The following RALYL variants were observed in gnomAD, a reference collection of about 807,000 sequenced individuals.
RALYL encodes the protein RNA-binding Raly-like protein.
In RALYL, 29 loss-of-function variants were observed where a neutral mutation model predicts 35.1. The ratio of observed to expected loss-of-function variants is 0.83; its 90% CI spans 0.61 to 1.13. RALYL has a LOEUF of 1.13. Among genes scored for constraint, RALYL ranks in the 50% most tolerant of loss-of-function variants. The pLI is 0.00. For synonymous variants in RALYL, 120 were observed against 127.6 expected (o/e 0.94, Z 0.40); for missense variants, 359 against 360.4 (o/e 1.00, Z 0.03).
intron 2 of RALYL, among the ~76,000 whole-genome samples, chr8:84,682,241 C>T (rs151227357): frequency 2.0e-5 from 3 of 152,204 alleles, no homozygotes; most frequent in Non-Finnish European, 4.4e-5. Flanking sequence ...ATTTGGTTTG[C>T]CATTATTGTA....
At chr8:84,747,998 T>C (rs1431758336) in intron 2 of RALYL, among the ~76,000 whole-genome samples, 3 of 151,954 alleles carry the variant, frequency 2.0e-5, no homozygotes, top group African/African-American at 7.2e-5. Flanking sequence ...TGGGAATTAG[T>C]TTTGTAAGTT....
chr8:84,317,607 G>T (rs1232522335), intron 1 of RALYL, among the ~76,000 whole-genome samples: 1 of 152,198 alleles, frequency 6.6e-6, no homozygotes, highest in South Asian at 2.1e-4. Context: ...GAATGTGTTT[G>T]CCATGATTAG....
intron 5 of RALYL, among the ~76,000 whole-genome samples, chr8:84,853,701 T>C (rs929823358): frequency 6.6e-6 from 1 of 152,166 alleles, no homozygotes; most frequent in Middle Eastern, 3.2e-3. Context: ...GTGGATATAC[T>C]CAAGAGTTCC....
intron 2 of RALYL, among the ~76,000 whole-genome samples, chr8:84,563,279 A>G (rs1175106267): frequency 6.6e-6 from 1 of 151,900 alleles, no homozygotes; most frequent in Non-Finnish European, 1.5e-5. Flanking sequence ...CTCATGAAAC[A>G]TAAGCTCATG....
intron 1 of RALYL, among the ~76,000 whole-genome samples, chr8:84,522,958 AG>A (rs2058579102): frequency 6.6e-6 from 1 of 152,028 alleles, no homozygotes; most frequent in South Asian, 2.1e-4. Context: ...CCACATAAAC[AG>A]GGGGCCTCAC....
chr8:84,318,789 A>C (rs1844258370), intron 1 of RALYL, among the ~76,000 whole-genome samples: 2 of 152,202 alleles, frequency 1.3e-5, no homozygotes, highest in African/African-American at 4.8e-5. Flanking sequence ...TAATGTTTAC[A>C]ATATAGGAAA....
chr8:84,255,101 T>C (rs1830971739), intron 1 of RALYL, among the ~76,000 whole-genome samples: 1 of 152,144 alleles, frequency 6.6e-6, no homozygotes, highest in South Asian at 2.1e-4. Context: ...GTCAGTTTCG[T>C]ATCACAAAAT....
intron 2 of RALYL, among the ~76,000 whole-genome samples, chr8:84,565,083 TC>T (rs1210492723): frequency 1.3e-5 from 2 of 151,602 alleles, no homozygotes; most frequent in South Asian, 2.1e-4. Context: ...ATTAGCAGCT[TC>T]CCTGAGATTT....
At chr8:84,531,943 T>A (rs1412557143) in intron 2 of RALYL, among the ~76,000 whole-genome samples, 1 of 152,094 alleles carries the variant, frequency 6.6e-6, no homozygotes, top group African/African-American at 2.4e-5. Context: ...AGGCACAAAG[T>A]TAAATTGTAC....
intron 2 of RALYL, among the ~76,000 whole-genome samples, chr8:84,564,457 A>G (rs868026898): frequency 1.6e-4 from 25 of 151,722 alleles, no homozygotes; most frequent in African/African-American, 5.8e-4. Flanking sequence ...TATAACCTGC[A>G]TCTTTAGAGA....
chr8:84,200,020 A>C (rs1408436374), intron 1 of RALYL, among the ~76,000 whole-genome samples: 1 of 133,606 alleles, frequency 7.5e-6, no homozygotes, highest in South Asian at 2.5e-4. Flanking sequence ...AAATCCCAGT[A>C]CTTATTATGT....
chr8:84,392,806 AT>A (rs1370177923), intron 1 of RALYL, among the ~76,000 whole-genome samples: 6 of 152,048 alleles, frequency 3.9e-5, no homozygotes, highest in African/African-American at 7.2e-5. Context: ...ATCTTATTGA[AT>A]TTGGGCTATT....
At chr8:84,551,411 G>T (rs1163137658) in intron 2 of RALYL, among the ~76,000 whole-genome samples, 1 of 152,084 alleles carries the variant, frequency 6.6e-6, no homozygotes, top group Non-Finnish European at 1.5e-5. Flanking sequence ...TACAGTCCTG[G>T]AGTGCACAAA....
At chr8:84,301,488 C>G (rs1051040104) in intron 1 of RALYL, among the ~76,000 whole-genome samples, 1 of 152,002 alleles carries the variant, frequency 6.6e-6, no homozygotes, top group Non-Finnish European at 1.5e-5. Flanking sequence ...ATCCAACTTG[C>G]TTGCTTTCTC....
At chr8:84,826,823 C>T (rs1829831749) in intron 4 of RALYL, among the ~76,000 whole-genome samples, 1 of 151,952 alleles carries the variant, frequency 6.6e-6, no homozygotes, top group Non-Finnish European at 1.5e-5. Flanking sequence ...TTTTTGATGC[C>T]TTGCCCCGAA....
At chr8:84,720,840 A>T (rs1241444107) in intron 2 of RALYL, among the ~76,000 whole-genome samples, 1 of 152,180 alleles carries the variant, frequency 6.6e-6, no homozygotes, top group Admixed American at 6.6e-5. Context: ...CTGAATAGAC[A>T]TCTCTCAAAA....
At chr8:84,889,249 T>G (rs1210541744) in intron 8 of RALYL, among the ~76,000 whole-genome samples, 1 of 152,218 alleles carries the variant, frequency 6.6e-6, no homozygotes, top group African/African-American at 2.4e-5. Flanking sequence ...CAGGACTAAT[T>G]CGACAACATG....
At chr8:84,427,235 C>T (rs550522659) in intron 1 of RALYL, among the ~76,000 whole-genome samples, 21 of 152,322 alleles carry the variant, frequency 1.4e-4, no homozygotes, top group African/African-American at 4.8e-4. Context: ...TTTGCCTCAG[C>T]TATGGCAATA....
At chr8:84,379,689 T>A (rs2127219) in intron 1 of RALYL, among the ~76,000 whole-genome samples, 2 of 151,228 alleles carry the variant, frequency 1.3e-5, no homozygotes, top group African/African-American at 2.4e-5. Flanking sequence ...AACAAAAAAC[T>A]AAAAGAAGAG....
Sources: allele counts gnomAD v4.1 joint callset (sites outside exome capture counted in the v4.1 genomes callset), GRCh38; gene constraint gnomAD v4.1.1; transcripts MANE v1.5; gene names NCBI Gene and HGNC (gene_info 2026-07-23, HGNC 2026-07-21).